Variants in COL14A1 observed in about 807,000 individuals in gnomAD.
COL14A1 encodes collagen type XIV alpha 1 chain, also known as collagen alpha-1(XIV) chain.
A neutral mutation model predicts 230.3 loss-of-function variants in COL14A1; 136 were observed. The ratio of observed to expected loss-of-function variants is 0.59; its 90% CI spans 0.51 to 0.68. COL14A1 has a LOEUF of 0.68. COL14A1 is among the 30% of genes least tolerant of loss of function. The pLI is 0.00. For synonymous variants in COL14A1, 792 were observed against 784.1 expected, an observed-to-expected ratio of 1.01 and a Z score of -0.17; for missense variants, 1,976 against 2,215.8, an observed-to-expected ratio of 0.89 and a Z score of 2.17.
chr8:120,289,851 G>C, intron 34 of COL14A1, 85 bp downstream of exon 34: 1 of 1,402,640 alleles, frequency 7.1e-7, no homozygotes, highest in Non-Finnish European at 9.6e-7. Context: ...CAGGGGAAAG[G>C]TTTAACAAAA....
At chr8:120,197,072 A>G (rs868815845) in intron 6 of COL14A1, 126 bp downstream of exon 6, 1 of 827,110 alleles carries the variant, frequency 1.2e-6, no homozygotes, top group Non-Finnish European at 1.9e-6. Context: ...ATGGTCCCCT[A>G]AAGTACATGT....
intron 9 of COL14A1, among the ~76,000 whole-genome samples, chr8:120,204,999 G>T (rs988461597): frequency 1.3e-5 from 2 of 152,124 alleles, no homozygotes; most frequent in Non-Finnish European, 2.9e-5. Flanking sequence ...CTGGCATGAG[G>T]GGGTTGGGGT....
At chr8:120,192,741 A>G (rs1370000041) in intron 5 of COL14A1, among the ~76,000 whole-genome samples, 3 of 152,014 alleles carry the variant, frequency 2.0e-5, no homozygotes, top group East Asian at 1.9e-4. Context: ...GGCTTTGTTC[A>G]TTTCTTTTTA....
chr8:120,366,250 A>G (rs1172418053), intron 45 of COL14A1, among the ~76,000 whole-genome samples: 3 of 152,248 alleles, frequency 2.0e-5, no homozygotes, highest in Non-Finnish European at 2.9e-5. Context: ...AGGCCTTTCC[A>G]TGCCTGCTAC....
chr8:120,257,830 A>C (rs1157139294), intron 23 of COL14A1, among the ~76,000 whole-genome samples: 1 of 152,176 alleles, frequency 6.6e-6, no homozygotes, highest in Admixed American at 6.5e-5. Flanking sequence ...TCAAATCCTT[A>C]CAGTTTGATG....
Position 120,168,238 on chromosome 8 carries a change from T to G in COL14A1, c.427T>G (p.Ser143Ala). 1 of 1,609,388 alleles carries G rather than the reference T, an allele frequency of 6.2e-7. No homozygotes were observed. The highest frequency in any genetic ancestry group is 1.1e-5 in the South Asian group (1 of 90,704). The change falls in exon 5 of 48, where the codon TCA becomes GCA. Residue 143 changes from serine to alanine, a missense_variant. Transcript: ENST00000297848. ...CAGAGGAAATGGGAGTAGACCATCT[T>G]CACCAGAAGGTCAGAGACGATTTTA... is the stretch of plus-strand genomic sequence containing the variant. ...VDRGNGSRPS[S>A]PEEVKFVCQT...
chr8:120,215,472 G>A (rs900984686), intron 13 of COL14A1, among the ~76,000 whole-genome samples: 2 of 152,146 alleles, frequency 1.3e-5, no homozygotes, highest in African/African-American at 4.8e-5. Context: ...GCTAAGAACT[G>A]TGGGTTTACG....
intron 14 of COL14A1, among the ~76,000 whole-genome samples, chr8:120,217,593 G>A (rs921513109): frequency 7.9e-5 from 12 of 152,228 alleles, no homozygotes; most frequent in African/African-American, 2.9e-4. Flanking sequence ...TAATGGACGG[G>A]CAGTAAGTAC....
chr8:120,147,974 TTTC>T (rs758652066), intron 2 of COL14A1, 44 bp downstream of exon 2: 1 of 1,305,340 alleles, frequency 7.7e-7, no homozygotes, highest in Admixed American at 2.0e-5. Flanking sequence ...GGACTCTAGC[TTTC>T]TTGTTTCTGA....
At chr8:120,250,116 G>C (rs1818891970) in intron 21 of COL14A1, among the ~76,000 whole-genome samples, 1 of 152,178 alleles carries the variant, frequency 6.6e-6, no homozygotes, top group Non-Finnish European at 1.5e-5. Flanking sequence ...AGCATAATCT[G>C]TCTGGTATTA....
chr8:120,141,229 C>T (rs1814897595), intron 1 of COL14A1, among the ~76,000 whole-genome samples: 1 of 152,158 alleles, frequency 6.6e-6, no homozygotes, highest in Non-Finnish European at 1.5e-5. Context: ...CTCATCCTAA[C>T]TTAAAATAAA....
chr8:120,149,710 G>A (rs1335720727), intron 2 of COL14A1, among the ~76,000 whole-genome samples: 4 of 148,904 alleles, frequency 2.7e-5, no homozygotes, highest in African/African-American at 7.4e-5. Context: ...TTTTTGAGAC[G>A]GAGTTTTGCT....
chr8:120,254,829 A>AAG (rs894407469), intron 22 of COL14A1, among the ~76,000 whole-genome samples: 2 of 151,376 alleles, frequency 1.3e-5, no homozygotes, highest in African/African-American at 2.4e-5. Flanking sequence ...TACAAAAAAA[A>AAG]AAAAAAAAAA....
intron 31 of COL14A1, 69 bp downstream of exon 31, chr8:120,281,128 A>G: frequency 6.9e-7 from 1 of 1,438,954 alleles, no homozygotes; most frequent in Non-Finnish European, 9.5e-7. Context: ...AATGATGTCA[A>G]CTTGAAATAT....
chr8:120,190,648 A>C lies in COL14A1; in HGVS notation c.437-6143A>C, dbSNP rs180824025. ...CAGCTCCTCTTTGTACCTCTGGTAGAATTCGGCTGTGAATCCATCTGGTCC... is the reference window on the plus strand; with the variant it reads ...CAGCTCCTCTTTGTACCTCTGGTAGCATTCGGCTGTGAATCCATCTGGTCC... On this transcript the variant is annotated intron_variant, in intron 5 of 47. Coordinates refer to ENST00000297848, the MANE Select transcript of COL14A1 (RefSeq NM_021110.4). 4.7e-4 allele frequency among the ~76,000 whole-genome samples: 71 copies of C among 152,308 alleles called. No homozygotes were observed. In the East Asian group the frequency reaches 0.014, roughly 29 times the overall value.
At position 120,300,773 on chromosome 8, in the gene COL14A1, C is replaced by A. The variant is rs570267241; in HGVS notation, c.4356C>A (p.Ser1452=). ...ESCPDLPHSC[S]CSETNEVALG... is the part of the protein sequence containing the mutation. ...GCCCAGACCTTCCCCATTCCTGCTC[C>A]TGTTCTGAAACCAATGAAGTGGCTC... is the stretch of plus-strand genomic sequence containing the variant. Residue 1452 remains serine (S), a synonymous_variant, in exon 36 of 48, where the codon TCC becomes TCA. Transcript: ENST00000297848. The A allele has an allele frequency of 6.2e-7, 1 of 1,613,722 alleles. No homozygotes were observed. Among genetic ancestry groups the A allele is most frequent in the Admixed American group, 1.7e-5 (1 of 59,992 alleles).
chr8:120,330,903 C>T (rs527891779), intron 40 of COL14A1, among the ~76,000 whole-genome samples: 4 of 151,918 alleles, frequency 2.6e-5, no homozygotes, highest in Non-Finnish European at 2.9e-5. Context: ...GTTGGGAGTT[C>T]GAGACGAGTC....
Position 120,231,511 on chromosome 8 carries a change from ACTT to A in COL14A1, c.2245_2247del (p.Ser750del). The A allele has an allele frequency of 6.2e-7, 1 of 1,614,050 alleles. No homozygotes were observed. Among genetic ancestry groups the A allele is most frequent in the Non-Finnish European group, 8.5e-7 (1 of 1,179,970 alleles). ...AAACCTAGTTGTAGGTGATGAAACT[ACTT>A]CTAGCCTGCGGGTAAAATGGGACAT... On this transcript the variant is annotated inframe_deletion, in exon 19 of 48. Coordinates refer to ENST00000297848, the MANE Select transcript of COL14A1 (RefSeq NM_021110.4).
chr8:120,235,014 A>G (rs983320024), intron 19 of COL14A1, among the ~76,000 whole-genome samples: 1 of 152,154 alleles, frequency 6.6e-6, no homozygotes, highest in African/African-American at 2.4e-5. Context: ...CTTTTCAGGA[A>G]TTCGACTTCT....
Sources: allele counts gnomAD v4.1 joint callset (sites outside exome capture counted in the v4.1 genomes callset), GRCh38; gene constraint gnomAD v4.1.1; transcripts MANE v1.5; gene names NCBI Gene and HGNC (gene_info 2026-07-23, HGNC 2026-07-21).